The following FRMPD4 variants were observed in gnomAD, a reference collection of about 807,000 sequenced individuals.
The protein encoded by FRMPD4 is FERM and PDZ domain containing 4.
A neutral mutation model predicts 94.1 loss-of-function variants in FRMPD4; 22 were observed. The observed-to-expected ratio is 0.23, with a 90% CI of 0.17 to 0.33. The LOEUF is 0.33. Among genes scored for constraint, FRMPD4 ranks in the 10% least tolerant of loss-of-function variants. The probability of loss-of-function intolerance (pLI) is 1.00; values close to 1 mark genes in which losing one functional copy is unlikely to be tolerated. For synonymous variants in FRMPD4, 631 were observed against 548.6 expected, an observed-to-expected ratio of 1.15 and a Z score of -2.10; for missense variants, 1,111 against 1,339.9, an observed-to-expected ratio of 0.83 and a Z score of 2.67.
intron 3 of FRMPD4, among the ~76,000 whole-genome samples, chrX:12,014,601 T>C (rs138482622): frequency 1.7e-3 from 185 of 111,357 alleles, no homozygotes; most frequent in African/African-American, 5.8e-3. Context: ...AAGCAAAAGA[T>C]AGTATTTTTC....
chrX:12,574,567 G>A (rs780313567), intron 2 of FRMPD4, among the ~76,000 whole-genome samples: 10 of 110,352 alleles, frequency 9.1e-5, no homozygotes, highest in Non-Finnish European at 1.5e-4. Context: ...GCGTGATCTC[G>A]GCGCACTGCA....
At chrX:11,885,641 CTT>C (rs1015203403) in intron 3 of FRMPD4, among the ~76,000 whole-genome samples, 1 of 111,371 alleles carries the variant, frequency 9.0e-6, no homozygotes, top group African/African-American at 3.3e-5. Context: ...AATTAGGACT[CTT>C]TTCCTAGTGC....
Position 12,498,771 on chromosome X carries a change from C to T in FRMPD4, c.133C>T (p.Arg45Ter). Residue 45 changes from arginine (R) to a stop codon, truncating the protein, a stop_gained, in exon 2 of 17, where the codon CGA becomes TGA. Coordinates refer to ENST00000675598, the MANE Select transcript of FRMPD4 (RefSeq NM_001368397.1). LOFTEE classifies it high-confidence loss of function. The stretch of plus-strand genomic sequence containing the variant: ...CTATGGATGGGAGATGACGGCAAAC[C>T]GAGATGGGCGAGACTACTTCATCAA... Reference protein sequence around the residue: ...PPYGWEMTANRDGRDYFINHM... With the variant: ...PPYGWEMTAN The T allele has an allele frequency of 1.7e-6, 2 of 1,143,848 alleles. No individual in the cohort carries two copies. Among genetic ancestry groups the T allele is most frequent in the Non-Finnish European group, 2.4e-6 (2 of 837,894 alleles). 94.3% of individuals were successfully genotyped at this position (1,143,848 alleles called of 1,213,427 possible). A position where few individuals can be genotyped will look rare whatever the true frequency, so the allele number is the denominator to read the frequency against.
chrX:11,825,237 T>TGTGTGG (rs1331674388), intron 1 of FRMPD4, among the ~76,000 whole-genome samples: 6 of 97,147 alleles, frequency 6.2e-5, no homozygotes, highest in Admixed American at 2.3e-4. Context: ...TGTGTGTGTG[T>TGTGTGG]GGTCTCTTCA....
intron 4 of FRMPD4, among the ~76,000 whole-genome samples, chrX:12,634,270 T>C (rs1429515338): frequency 2.7e-5 from 3 of 112,568 alleles, no homozygotes; most frequent in African/African-American, 6.5e-5. Context: ...ATGAACAAAA[T>C]AGTCTATATG....
At chrX:12,389,567 A>G (rs1279122161) in intron 1 of FRMPD4, among the ~76,000 whole-genome samples, 2 of 111,587 alleles carry the variant, frequency 1.8e-5, no homozygotes, top group Non-Finnish European at 3.8e-5. Flanking sequence ...TGGATATGTT[A>G]ATTAGCTTGA....
chrX:12,050,248 T>G (rs1179952042), intron 3 of FRMPD4, among the ~76,000 whole-genome samples: 1 of 111,626 alleles, frequency 9.0e-6, no homozygotes, highest in African/African-American at 3.2e-5. Flanking sequence ...TCATAGTAAG[T>G]GCTCTATATA....
At chrX:12,410,686 T>G (rs1159168734) in intron 1 of FRMPD4, among the ~76,000 whole-genome samples, 2 of 111,658 alleles carry the variant, frequency 1.8e-5, no homozygotes, top group African/African-American at 3.3e-5. Flanking sequence ...AACCCCCAAC[T>G]CTTCCTAAGG....
At chrX:12,461,917 TAAAC>T (rs770174330) in intron 1 of FRMPD4, among the ~76,000 whole-genome samples, 146 of 111,895 alleles carry the variant, frequency 1.3e-3, no homozygotes, top group African/African-American at 4.5e-3. Flanking sequence ...CCATGGTAAA[TAAAC>T]AAACAACCCC....
At chrX:12,087,686 G>A (rs1458620879) in intron 3 of FRMPD4, among the ~76,000 whole-genome samples, 1 of 112,200 alleles carries the variant, frequency 8.9e-6, no homozygotes, top group Non-Finnish European at 1.9e-5. Context: ...AAATGACAAG[G>A]CAAAGGATTG....
At chrX:12,166,849 A>G (rs2056128501) in intron 1 of FRMPD4, among the ~76,000 whole-genome samples, 1 of 111,762 alleles carries the variant, frequency 8.9e-6, no homozygotes, top group Non-Finnish European at 1.9e-5. Flanking sequence ...AGAGGTGTTT[A>G]TAGTATTCCC....
chrX:12,012,589 C>T (rs2054586548), intron 3 of FRMPD4, among the ~76,000 whole-genome samples: 1 of 111,859 alleles, frequency 8.9e-6, no homozygotes, highest in Non-Finnish European at 1.9e-5. Context: ...AAAGAATCTT[C>T]TATCTCTGGA....
At chrX:12,315,455 G>A (rs147493312) in intron 1 of FRMPD4, among the ~76,000 whole-genome samples, 2,245 of 112,073 alleles carry the variant, frequency 0.02, 44 homozygotes, top group African/African-American at 0.063. Flanking sequence ...TCAGTCTCAT[G>A]TAATCTCATA....
chrX:12,487,191 T>A (rs950694485), intron 1 of FRMPD4, among the ~76,000 whole-genome samples: 2 of 111,508 alleles, frequency 1.8e-5, no homozygotes, highest in Non-Finnish European at 3.8e-5. Flanking sequence ...CAAGGAGGCA[T>A]GATGGTCATA....
intron 2 of FRMPD4, among the ~76,000 whole-genome samples, chrX:12,546,692 A>T (rs1394549390): frequency 9.0e-6 from 1 of 111,273 alleles, no homozygotes; most frequent in Admixed American, 9.6e-5. Context: ...ATACAAAGGG[A>T]TATTTTTTCC....
At chrX:12,103,772 C>T (rs970719473) in intron 3 of FRMPD4, among the ~76,000 whole-genome samples, 1 of 111,521 alleles carries the variant, frequency 9.0e-6, no homozygotes, top group Non-Finnish European at 1.9e-5. Flanking sequence ...TGCTTGTATT[C>T]TACCACCAGA....
chrX:11,925,212 T>G (rs2147347756), intron 3 of FRMPD4, among the ~76,000 whole-genome samples: 1 of 109,519 alleles, frequency 9.1e-6, no homozygotes, highest in South Asian at 3.9e-4. Flanking sequence ...GATCTAAGTA[T>G]CCTAAATATA....
Position 12,690,283 on chromosome X carries a change from G to C in FRMPD4, c.770G>C (p.Gly257Ala), listed in dbSNP as rs1197964583. Residue 257 changes from glycine to alanine, a missense_variant, in exon 8 of 17, where the codon GGA becomes GCA. By Grantham distance (60) the Gly-to-Ala change is moderately conservative. Coordinates refer to ENST00000675598, the MANE Select transcript of FRMPD4 (RefSeq NM_001368397.1). ...LMLEQRTEGAGTKLLLLHEQE... is the reference protein window; with the variant it reads ...LMLEQRTEGAATKLLLLHEQE... Reference sequence around the variant, plus strand: ...CTGGAGCAGAGGACAGAAGGGGCTGGAACGAAGCTGCTCTTGCTTCATGAA... The same window carrying C: ...CTGGAGCAGAGGACAGAAGGGGCTGCAACGAAGCTGCTCTTGCTTCATGAA... 1.2e-5 allele frequency: 14 copies of C among 1,209,143 alleles called. No homozygotes were observed. In the South Asian group the frequency reaches 2.3e-4, roughly 20 times the overall value.
At chrX:12,230,021 C>A (rs1000231497) in intron 1 of FRMPD4, among the ~76,000 whole-genome samples, 9 of 111,760 alleles carry the variant, frequency 8.1e-5, no homozygotes, top group African/African-American at 2.9e-4. Context: ...AATTCATCAT[C>A]TAAGTCCTTT....
Sources: allele counts gnomAD v4.1 joint callset (sites outside exome capture counted in the v4.1 genomes callset), GRCh38; gene constraint gnomAD v4.1.1; transcripts MANE v1.5; gene names NCBI Gene and HGNC (gene_info 2026-07-23, HGNC 2026-07-21).